The following DLG2 variants were observed in gnomAD, a reference collection of about 807,000 sequenced individuals.
DLG2 encodes discs large MAGUK scaffold protein 2.
A neutral mutation model predicts 132.5 loss-of-function variants in DLG2; 45 were observed. The ratio of observed to expected loss-of-function variants is 0.34; its 90% CI spans 0.27 to 0.44. DLG2 has a LOEUF of 0.44. Ranked by LOEUF, DLG2 falls within the 20% of genes least tolerant of loss-of-function variation. The pLI is 1.00. For missense variants in DLG2, 1,045 were observed against 1,196.9 expected, an observed-to-expected ratio of 0.87 and a Z score of 1.87; for synonymous variants, 424 against 419.6, an observed-to-expected ratio of 1.01 and a Z score of -0.13.
chr11:84,930,653 T>C (rs1427381027), intron 6 of DLG2, among the ~76,000 whole-genome samples: 1 of 152,152 alleles, frequency 6.6e-6, no homozygotes, highest in Admixed American at 6.6e-5. Flanking sequence ...CCTCAACTTT[T>C]ACCGCAAAAT....
chr11:84,916,335 C>A (rs1311165697), intron 6 of DLG2, among the ~76,000 whole-genome samples: 1 of 98,378 alleles, frequency 1.0e-5, no homozygotes, highest in East Asian at 3.3e-4. Context: ...GGCGACAGAG[C>A]GAGACTCCGT....
chr11:85,545,938 C>A (rs1022207310), intron 3 of DLG2, among the ~76,000 whole-genome samples: 1 of 152,126 alleles, frequency 6.6e-6, no homozygotes, highest in Non-Finnish European at 1.5e-5. Context: ...TTTCAAAAAA[C>A]CAGCTCCTGG....
At chr11:85,480,982 T>G (rs2093274911) in intron 3 of DLG2, among the ~76,000 whole-genome samples, 1 of 152,248 alleles carries the variant, frequency 6.6e-6, no homozygotes, top group South Asian at 2.1e-4. Flanking sequence ...GAAATCCTGG[T>G]TTTGCCTCGC....
intron 7 of DLG2, among the ~76,000 whole-genome samples, chr11:84,405,568 A>G (rs528878806): frequency 6.6e-6 from 1 of 152,350 alleles, no homozygotes; most frequent in Admixed American, 6.5e-5. Flanking sequence ...ATTGAAAGCC[A>G]GAAATGTTCA....
chr11:85,509,621 G>A (rs1023770571), intron 3 of DLG2, among the ~76,000 whole-genome samples: 3 of 152,016 alleles, frequency 2.0e-5, no homozygotes, highest in Non-Finnish European at 4.4e-5. Context: ...GATATCCTCC[G>A]ATGTATCTAA....
intron 4 of DLG2, among the ~76,000 whole-genome samples, chr11:85,248,328 G>C (rs1379885573): frequency 6.6e-6 from 1 of 151,924 alleles, no homozygotes; most frequent in African/African-American, 2.4e-5. Context: ...CTTGTAAAAA[G>C]CATTGAGATC....
At chr11:83,840,953 T>C (rs2154017050) in intron 16 of DLG2, among the ~76,000 whole-genome samples, 1 of 152,320 alleles carries the variant, frequency 6.6e-6, no homozygotes, top group East Asian at 1.9e-4. Context: ...CGTTTGTCTT[T>C]TTTTTCCTTT....
chr11:84,689,214 A>C (rs2057725673), intron 6 of DLG2, among the ~76,000 whole-genome samples: 1 of 152,120 alleles, frequency 6.6e-6, no homozygotes, highest in Admixed American at 6.6e-5. Context: ...TAAAATCATC[A>C]TTTTGTGACA....
intron 3 of DLG2, among the ~76,000 whole-genome samples, chr11:85,431,040 AG>A (rs1476149845): frequency 2.0e-5 from 3 of 152,074 alleles, no homozygotes; most frequent in African/African-American, 7.3e-5. Flanking sequence ...TTAATTTTTT[AG>A]TTTTTTTTAT....
intron 7 of DLG2, among the ~76,000 whole-genome samples, chr11:84,351,836 G>A (rs1461128230): frequency 3.9e-5 from 6 of 152,168 alleles, no homozygotes; most frequent in African/African-American, 1.4e-4. Context: ...TGGAGGAGAA[G>A]TAGAATGGAC....
chr11:84,947,057 A>C (rs561774606), intron 6 of DLG2, among the ~76,000 whole-genome samples: 3 of 152,200 alleles, frequency 2.0e-5, no homozygotes, highest in Non-Finnish European at 4.4e-5. Context: ...AAGCACACAG[A>C]TTCTATGTGC....
chr11:85,412,785 A>C (rs1036766311), intron 3 of DLG2, among the ~76,000 whole-genome samples: 7 of 146,358 alleles, frequency 4.8e-5, no homozygotes, highest in African/African-American at 1.3e-4. Flanking sequence ...ATATATATAT[A>C]TCACAGTTTC....
intron 3 of DLG2, among the ~76,000 whole-genome samples, chr11:85,476,914 A>G (rs74590019): frequency 0.024 from 3,637 of 152,198 alleles, 141 homozygotes; most frequent in African/African-American, 0.082. Context: ...AAATACCTAA[A>G]CCAGTGACAT....
intron 7 of DLG2, among the ~76,000 whole-genome samples, chr11:84,428,835 A>C (rs2098975274): frequency 6.6e-6 from 1 of 152,202 alleles, no homozygotes; most frequent in Non-Finnish European, 1.5e-5. Context: ...TAAACATTTC[A>C]TCCTCAACTA....
Position 84,923,092 on chromosome 11 carries a change from G to C in DLG2, c.357+188569C>G, listed in dbSNP as rs764122492. On this transcript the variant is annotated intron_variant, in intron 6 of 27. Transcript: ENST00000376104. The stretch of plus-strand genomic sequence containing the variant: ...CTCCTCTTACCTTCACGTTAGTCCG[G>C]AGTGCACAGTAACATGCAAAGAACA... 4 of 1,613,952 alleles carry C rather than the reference G, an allele frequency of 2.5e-6. No homozygotes were observed. The East Asian group carries it at 6.7e-5, about 27-fold the overall frequency.
chr11:84,319,215 C>T (rs1025515706), intron 7 of DLG2, among the ~76,000 whole-genome samples: 21 of 152,102 alleles, frequency 1.4e-4, no homozygotes, highest in African/African-American at 5.1e-4. Flanking sequence ...CTCTTTCCCT[C>T]CCTCCCCCCT....
At chr11:84,911,330 A>C (rs1262593847) in intron 6 of DLG2, among the ~76,000 whole-genome samples, 1 of 151,872 alleles carries the variant, frequency 6.6e-6, no homozygotes, top group African/African-American at 2.4e-5. Context: ...TTTACTTATA[A>C]ACCTATCAAG....
At chr11:84,536,601 C>T (rs1441165460) in intron 6 of DLG2, among the ~76,000 whole-genome samples, 2 of 152,204 alleles carry the variant, frequency 1.3e-5, no homozygotes, top group Non-Finnish European at 2.9e-5. Flanking sequence ...TAGTGTCACA[C>T]TTGCGCCCAT....
At chr11:84,130,251 G>T (rs60761480) in intron 9 of DLG2, among the ~76,000 whole-genome samples, 2 of 151,544 alleles carry the variant, frequency 1.3e-5, no homozygotes, top group Admixed American at 6.6e-5. Flanking sequence ...AACCTATGAC[G>T]TTCTTAAAAA....
Sources: gnomAD v4.1 joint callset for allele counts (sites outside exome capture counted in the v4.1 genomes callset) on GRCh38, gnomAD v4.1.1 for gene constraint, MANE v1.5 for transcripts, NCBI Gene and HGNC (gene_info 2026-07-23, HGNC 2026-07-21) for gene names.